CACNA1C: variants seen among roughly 807,000 people sequenced by gnomAD.
CACNA1C encodes calcium voltage-gated channel subunit alpha1 C.
A neutral mutation model predicts 229.0 loss-of-function variants in CACNA1C; 30 were observed. The ratio of observed to expected loss-of-function variants is 0.13; its 90% CI spans 0.10 to 0.18. The LOEUF (loss-of-function observed/expected upper bound fraction) is 0.18, where lower values mean the gene tolerates loss of function less well. Ranked by LOEUF, CACNA1C falls within the 10% of genes least tolerant of loss-of-function variation. The pLI is 1.00. For missense variants in CACNA1C, 1,658 were observed against 2,845.0 expected, an observed-to-expected ratio of 0.58 and a Z score of 9.49; for synonymous variants, 1,114 against 1,132.5, an observed-to-expected ratio of 0.98 and a Z score of 0.33.
rs1212608442 is a variant in CACNA1C, at chr12:2,484,115, C to T, written c.758-1989C>T. Among the ~76,000 whole-genome samples, 3 of 152,130 alleles carry T rather than the reference C, an allele frequency of 2.0e-5. No homozygotes were observed. In the South Asian group the frequency reaches 6.2e-4, roughly 32 times the overall value. On this transcript the variant is annotated intron_variant, in intron 5 of 46. Transcript: ENST00000399655. ...GACAGATATAAATGTTTTAAAATCCCGTTAAGGAACATAACATTTCAAACT... is the reference window on the plus strand; with the variant it reads ...GACAGATATAAATGTTTTAAAATCCTGTTAAGGAACATAACATTTCAAACT...
At chr12:2,185,174 C>T (rs1404410439) in intron 3 of CACNA1C, among the ~76,000 whole-genome samples, 1 of 152,228 alleles carries the variant, frequency 6.6e-6, no homozygotes, top group East Asian at 1.9e-4. Flanking sequence ...GTCACTCCCA[C>T]CTCACCTGTG....
rs76719316 is a variant in CACNA1C, at chr12:2,296,937, T to C, written c.478-152039T>C. 9.3e-3 allele frequency among the ~76,000 whole-genome samples: 1,422 copies of C among 152,302 alleles called. 10 individuals carry two copies. The highest frequency in any genetic ancestry group is 0.017 in the Middle Eastern group (5 of 294). On this transcript the variant is annotated intron_variant, in intron 3 of 46. Transcript: ENST00000399655. ...ATCAGAATCACTTCATCACAGATCA[T>C]ATACATCCACAGAGATGACTGAGGA...
chr12:2,091,297 G>A (rs575274387), intron 1 of CACNA1C, among the ~76,000 whole-genome samples: 7 of 152,232 alleles, frequency 4.6e-5, no homozygotes, highest in Non-Finnish European at 5.9e-5. Context: ...GATTTACATG[G>A]ATGAGAGGCT....
chr12:2,219,082 C>T (rs181857963), intron 3 of CACNA1C, among the ~76,000 whole-genome samples: 2 of 152,190 alleles, frequency 1.3e-5, no homozygotes, highest in African/African-American at 2.4e-5. Flanking sequence ...ATGTATCTGA[C>T]TATATGATCT....
intron 13 of CACNA1C, among the ~76,000 whole-genome samples, chr12:2,577,938 G>T (rs1450085739): frequency 6.6e-6 from 1 of 150,430 alleles, no homozygotes. Flanking sequence ...GCGCGATCTC[G>T]GCTCACTGCA....
At chr12:2,501,612 C>T (rs1251271825) in intron 7 of CACNA1C, among the ~76,000 whole-genome samples, 2 of 152,234 alleles carry the variant, frequency 1.3e-5, no homozygotes, top group Non-Finnish European at 2.9e-5. Flanking sequence ...GTCAGTGTGG[C>T]CTGTGGTCAG....
chr12:2,239,021 C>T (rs1341948553), intron 3 of CACNA1C, among the ~76,000 whole-genome samples: 1 of 152,208 alleles, frequency 6.6e-6, no homozygotes, highest in Non-Finnish European at 1.5e-5. Context: ...GATTACATGA[C>T]ATAACACATA....
At position 2,688,854 on chromosome 12, in the gene CACNA1C, G is replaced by A. The variant is rs373224720; in HGVS notation, c.6117+75G>A. The A allele has an allele frequency of 4.1e-6, 5 of 1,231,338 alleles. No homozygotes were observed. The African/African-American group carries it at 7.6e-5, about 19-fold the overall frequency. 76.3% of individuals were successfully genotyped at this position (1,231,338 alleles called of 1,614,324 possible). On this transcript the variant is annotated intron_variant, in intron 46 of 46. Coordinates refer to ENST00000399655, the MANE Select transcript of CACNA1C (RefSeq NM_000719.7). ...GACTTGGCATGCGGGGCTGAGAAGG[G>A]AGCACCTGGCTCTTGCCAAATTCAT...
chr12:2,375,364 T>G (rs1241609877), intron 3 of CACNA1C, among the ~76,000 whole-genome samples: 2 of 152,144 alleles, frequency 1.3e-5, no homozygotes. Context: ...CCCGGTGTCG[T>G]GGCTCAGCAG....
At chr12:2,553,390 G>C (rs2238089) in intron 10 of CACNA1C, among the ~76,000 whole-genome samples, 4,325 of 152,304 alleles carry the variant, frequency 0.028, 179 homozygotes, top group East Asian at 0.13. Flanking sequence ...TCAGAAACAG[G>C]CTCTGATGAA....
At chr12:2,463,857 T>C (rs1188076471) in intron 5 of CACNA1C, among the ~76,000 whole-genome samples, 3 of 152,196 alleles carry the variant, frequency 2.0e-5, no homozygotes, top group Non-Finnish European at 4.4e-5. Flanking sequence ...GCTGTGAGCA[T>C]CCACTCTCCC....
chr12:2,581,886 G>C, intron 14 of CACNA1C, 89 bp downstream of exon 14: 1 of 790,184 alleles, frequency 1.3e-6, no homozygotes, highest in Non-Finnish European at 2.1e-6. Flanking sequence ...CCCTTTTACC[G>C]GGCAGCCACA....
chr12:2,595,739 A>G lies in CACNA1C; in HGVS notation c.2664-135A>G. The G allele has an allele frequency of 1.5e-6, 1 of 673,594 alleles. No homozygotes were observed. Among genetic ancestry groups the G allele is most frequent in the East Asian group, 2.7e-5 (1 of 37,104 alleles). The allele number at this position is 673,594 out of a possible 1,614,324, so 41.7% of individuals were successfully genotyped here. A position where few individuals can be genotyped will look rare whatever the true frequency, so the allele number is the denominator to read the frequency against. ...AAGCAGCAGTAAGACTTCAGAATGAAGAGGTCACTTCAGGCCAACAAGCAC... is the reference window on the plus strand; with the variant it reads ...AAGCAGCAGTAAGACTTCAGAATGAGGAGGTCACTTCAGGCCAACAAGCAC... On this transcript the variant is annotated intron_variant, in intron 19 of 46. Coordinates refer to ENST00000399655, the MANE Select transcript of CACNA1C (RefSeq NM_000719.7). This position sits in a 1 kb window ranked among gnomAD's most constrained non-coding sequence, Gnocchi z 4.1.
chr12:2,351,154 C>T (rs1211406834), intron 3 of CACNA1C, among the ~76,000 whole-genome samples: 5 of 152,186 alleles, frequency 3.3e-5, no homozygotes, highest in Non-Finnish European at 7.3e-5. Context: ...TGGGGCTGGC[C>T]TGTGCATGGT....
At chr12:2,004,501 G>A in intron 1 of CACNA1C, 2 of 1,522,258 alleles carry the variant, frequency 1.3e-6, no homozygotes, top group Non-Finnish European at 1.8e-6. Flanking sequence ...GAACGAGCGA[G>A]CTGCCTCGCA....
intron 3 of CACNA1C, among the ~76,000 whole-genome samples, chr12:2,239,901 C>G (rs1163423116): frequency 2.6e-5 from 4 of 152,112 alleles, no homozygotes; most frequent in Non-Finnish European, 5.9e-5. Context: ...AGTGGGATGC[C>G]CAAGGGAAAT....
rs368798628 is a variant in CACNA1C, at chr12:2,605,577, A to G, written c.3049-102A>G. On this transcript the variant is annotated intron_variant, in intron 23 of 46. Transcript: ENST00000399655. This position sits in a 1 kb window ranked among gnomAD's most constrained non-coding sequence, Gnocchi z 6.2. ...GCGTGGCTTTGCCCCTCTCAGCCCA[A>G]TTACTCCCCGTTGTGGCAAACGGGC... is the stretch of plus-strand genomic sequence containing the variant. The G allele has an allele frequency of 1.2e-6, 1 of 814,342 alleles. No homozygotes were observed. The highest frequency in any genetic ancestry group is 2.1e-6 in the Non-Finnish European group (1 of 470,610). The allele number at this position is 814,342 out of a possible 1,614,324, so 50.4% of individuals were successfully genotyped here. A position where few individuals can be genotyped will look rare whatever the true frequency, so the allele number is the denominator to read the frequency against.
At chr12:2,531,273 G>C (rs1179755053) in intron 9 of CACNA1C, among the ~76,000 whole-genome samples, 3 of 152,294 alleles carry the variant, frequency 2.0e-5, no homozygotes, top group South Asian at 2.1e-4. Flanking sequence ...TTGTCAGAGA[G>C]GCAAGCACAT....
intron 1 of CACNA1C, among the ~76,000 whole-genome samples, chr12:2,113,013 CTAAGTCACT>C (rs764828306): frequency 3.3e-5 from 5 of 152,222 alleles, no homozygotes; most frequent in South Asian, 2.1e-4. Flanking sequence ...TTAGCTTTAG[CTAAGTCACT>C]TAAGTCACTT....
Sources: allele counts gnomAD v4.1 joint callset (sites outside exome capture counted in the v4.1 genomes callset), GRCh38; gene constraint gnomAD v4.1.1; non-coding constraint Gnocchi (gnomAD v3.1); transcripts MANE v1.5; gene names NCBI Gene and HGNC (gene_info 2026-07-23, HGNC 2026-07-21).